Variants in KLHL42 observed in about 807,000 individuals in gnomAD.
The protein encoded by KLHL42 is kelch like family member 42, also known as kelch-like protein 42.
KLHL42 carries 27 observed loss-of-function variants against 32.7 expected under a neutral mutation model. The ratio of observed to expected loss-of-function variants is 0.83; its 90% confidence interval spans 0.61 to 1.14. KLHL42 has a LOEUF of 1.14. KLHL42 is among the 50% of genes most tolerant of loss of function. The pLI is 0.00. For missense variants in KLHL42, 491 were observed against 560.8 expected, an observed-to-expected ratio of 0.88 and a Z score of 1.26; for synonymous variants, 267 against 248.2, an observed-to-expected ratio of 1.08 and a Z score of -0.71.
rs2062141021 is a variant in KLHL42, at chr12:27,780,461, A to G, written c.131A>G (p.Gln44Arg). Residue 44 changes from glutamine (Q) to arginine (R), a missense_variant, in exon 1 of 3, where the codon CAG becomes CGG. Gln to Arg is a conservative substitution (Grantham distance 43). This residue lies in a region of KLHL42 where 88 missense variants were observed against 89.0 expected (regional missense o/e 0.99). Coordinates refer to ENST00000381271, the MANE Select transcript of KLHL42 (RefSeq NM_020782.2). The surrounding 1 kb of genome is among the most constrained non-coding windows in gnomAD (Gnocchi z 8.8). ...YRSGMREALS[Q>R]EAGGPEVQQL... ...TCCGGCATGCGCGAGGCCCTGAGCC[A>G]GGAGGCCGGCGGCCCGGAGGTGCAG... is the stretch of plus-strand genomic sequence containing the variant. The G allele has an allele frequency of 6.5e-7, 1 of 1,545,186 alleles. No homozygotes were observed.
rs770360019 is a variant in KLHL42 at position 27,780,792 on chromosome 12, C to A, written c.462C>A (p.Val154=). The change falls in exon 1 of 3, where the codon GTC becomes GTA. Residue 154 remains valine (V), a synonymous_variant. Transcript: ENST00000381271. This position sits in a 1 kb window ranked among gnomAD's most constrained non-coding sequence, Gnocchi z 8.8. The part of the protein sequence containing the change: ...DLQEACLRFM[V]VHFHEVLCKP... ...AGGAGGCCTGCCTGCGCTTCATGGT[C>A]GTCCACTTCCACGAGGTGCTGTGCA... The A allele has an allele frequency of 9.3e-6, 15 of 1,613,586 alleles. No individual in the cohort carries two copies. The highest frequency in any genetic ancestry group is 1.3e-5 in the Non-Finnish European group (15 of 1,180,012).
intron 2 of KLHL42, among the ~76,000 whole-genome samples, chr12:27,794,556 G>A (rs1482294003): frequency 6.6e-6 from 1 of 152,152 alleles, no homozygotes; most frequent in African/African-American, 2.4e-5. Context: ...TAGTGGCACA[G>A]TCATAGCTCA....
intron 1 of KLHL42, among the ~76,000 whole-genome samples, chr12:27,783,146 C>T (rs945031662): frequency 3.3e-5 from 5 of 152,086 alleles, no homozygotes; most frequent in South Asian, 2.1e-4. Context: ...GTAGTATATA[C>T]TTTATTCTAA....
chr12:27,791,590 C>T, intron 1 of KLHL42, 118 bp from the exon 2 acceptor site: 1 of 884,246 alleles, frequency 1.1e-6, no homozygotes. Flanking sequence ...GGAATGGCCC[C>T]CAACTGGGAG....
intron 1 of KLHL42, among the ~76,000 whole-genome samples, chr12:27,781,721 G>T (rs900987060): frequency 6.6e-6 from 1 of 152,080 alleles, no homozygotes; most frequent in African/African-American, 2.4e-5. Flanking sequence ...TTGCAATAGG[G>T]GTTGCTTTTC....
chr12:27,800,708 CAAA>C lies in KLHL42; in HGVS notation c.*2553_*2555del, dbSNP rs771905232. Reference sequence around the variant, plus strand: ...GGGCGACAGTGCAAGACTCTGTCTCCAAAAAAAAAAAAAGAAAAAAGAAAATCC... The same window carrying C: ...GGGCGACAGTGCAAGACTCTGTCTCCAAAAAAAAAAGAAAAAAGAAAATCC... On this transcript the variant is annotated 3_prime_UTR_variant, in exon 3 of 3. Transcript: ENST00000381271. 6.6e-5 allele frequency: 9 copies of C among 137,006 alleles called. No homozygotes were observed. The highest frequency in any genetic ancestry group is 7.9e-5 in the Non-Finnish European group (5 of 63,080). The allele number at this position is 137,006 out of a possible 1,614,324, so 8.5% of individuals were successfully genotyped here. A position where few individuals can be genotyped will look rare whatever the true frequency, so the allele number is the denominator to read the frequency against.
At chr12:27,789,310 T>A (rs563046629) in intron 1 of KLHL42, among the ~76,000 whole-genome samples, 151 of 152,326 alleles carry the variant, frequency 9.9e-4, no homozygotes, top group African/African-American at 3.4e-3. Flanking sequence ...AGACAGCAAT[T>A]GATGTGTGAT....
chr12:27,781,951 A>T (rs1356102901), intron 1 of KLHL42, among the ~76,000 whole-genome samples: 1 of 152,204 alleles, frequency 6.6e-6, no homozygotes, highest in African/African-American at 2.4e-5. Context: ...AGGGAAAGGA[A>T]CCAGGGAAGG....
intron 1 of KLHL42, among the ~76,000 whole-genome samples, chr12:27,783,439 C>T (rs563898926): frequency 3.3e-5 from 5 of 151,918 alleles, no homozygotes; most frequent in Non-Finnish European, 5.9e-5. Flanking sequence ...TTAATGTGCA[C>T]GGGGGTGTAT....
rs757102815 is a variant in KLHL42 at position 27,781,142 on chromosome 12, C to T, written c.812C>T (p.Ala271Val). Residue 271 changes from alanine (A) to valine (V), a missense_variant, in exon 1 of 3, where the codon GCG becomes GTG. By Grantham distance (64) the Ala-to-Val change is moderately conservative. Transcript: ENST00000381271. ...YRITSQEISA[A>V]HSYNPSTNEW... The stretch of plus-strand genomic sequence containing the variant: ...ATCACTAGCCAGGAGATCTCCGCTG[C>T]GCATTCCTACAACCCCAGCACCAAC... The T allele has an allele frequency of 8.1e-6, 13 of 1,613,962 alleles. No homozygotes were observed. The highest frequency in any genetic ancestry group is 8.5e-6 in the Non-Finnish European group (10 of 1,180,046).
In KLHL42 at chr12:27,780,335, C is replaced by T; in HGVS notation, c.5C>T (p.Ser2Leu). Residue 2 changes from serine (S) to leucine (L), a missense_variant, in exon 1 of 3, where the codon TCG becomes TTG. This residue lies in a region of KLHL42 where 88 missense variants were observed against 89.0 expected (regional missense o/e 0.99). Coordinates refer to ENST00000381271, the MANE Select transcript of KLHL42 (RefSeq NM_020782.2). This position sits in a 1 kb window ranked among gnomAD's most constrained non-coding sequence, Gnocchi z 8.8. Reference protein sequence around the residue: MSAEEMVQIRLE... With the variant: MLAEEMVQIRLE... The stretch of plus-strand genomic sequence containing the variant: ...GCCGCCCCGGGGCCCCCAGCCATGT[C>T]GGCCGAGGAGATGGTGCAGATCCGC... 1.3e-6 allele frequency: 2 copies of T among 1,565,884 alleles called. No homozygotes were observed.
chr12:27,798,136 T>G lies in KLHL42; in HGVS notation c.1488T>G (p.Ser496=), dbSNP rs1228969830. 1 of 780,418 alleles carries G rather than the reference T, an allele frequency of 1.3e-6. No homozygotes were observed. The allele number at this position is 780,418 out of a possible 1,614,324, so 48.3% of individuals were successfully genotyped here. Reference sequence around the variant, plus strand: ...TTGGACATAACTTGCTGGTTTCTTCTCTTTATCTGCCCAATAAAGCAGAAA... The same window carrying G: ...TTGGACATAACTTGCTGGTTTCTTCGCTTTATCTGCCCAATAAAGCAGAAA... ...PAFGHNLLVS[S]LYLPNKAET Residue 496 remains serine, a synonymous_variant, in exon 3 of 3, where the codon TCT becomes TCG. Coordinates refer to ENST00000381271, the MANE Select transcript of KLHL42 (RefSeq NM_020782.2).
intron 1 of KLHL42, among the ~76,000 whole-genome samples, chr12:27,785,233 T>A (rs1458357379): frequency 6.6e-6 from 1 of 152,166 alleles, no homozygotes; most frequent in Non-Finnish European, 1.5e-5. Context: ...GGGGTCTTGC[T>A]TTGTCACCCA....
At chr12:27,796,343 C>T (rs1414347440) in intron 2 of KLHL42, among the ~76,000 whole-genome samples, 4 of 151,924 alleles carry the variant, frequency 2.6e-5, no homozygotes, top group African/African-American at 7.3e-5. Flanking sequence ...TCTTCTCTTA[C>T]CAAGCGCCTG....
In KLHL42 at chr12:27,798,863, G is replaced by C. The variant is rs1033257735; in HGVS notation, c.*697G>C. The stretch of plus-strand genomic sequence containing the variant: ...TGATAAAACCTCTTATTTTATTTAT[G>C]TGGCAGGTTGCATATTTATGTGGAC... On this transcript the variant is annotated 3_prime_UTR_variant, in exon 3 of 3. Coordinates refer to ENST00000381271, the MANE Select transcript of KLHL42 (RefSeq NM_020782.2). 3 of 152,268 alleles carry C rather than the reference G, an allele frequency of 2.0e-5. No individual in the cohort carries two copies. Among genetic ancestry groups the C allele is most frequent in the Admixed American group, 1.3e-4 (2 of 15,222 alleles). 9.4% of individuals were successfully genotyped at this position (152,268 alleles called of 1,614,324 possible). A position where few individuals can be genotyped will look rare whatever the true frequency, so the allele number is the denominator to read the frequency against.
At chr12:27,784,000 C>T (rs1028647699) in intron 1 of KLHL42, among the ~76,000 whole-genome samples, 3 of 152,072 alleles carry the variant, frequency 2.0e-5, no homozygotes, top group Admixed American at 2.0e-4. Flanking sequence ...TTGGATGTTT[C>T]AATAAGCACT....
rs1299603398 is a variant in KLHL42 at position 27,780,892 on chromosome 12, G to T, written c.562G>T (p.Ala188Ser). The T allele has an allele frequency of 1.9e-6, 3 of 1,611,458 alleles. No homozygotes were observed. The highest frequency in any genetic ancestry group is 1.3e-5 in the African/African-American group (1 of 74,884). Residue 188 changes from alanine (A) to serine (S), a missense_variant, in exon 1 of 3, where the codon GCC (alanine) becomes TCC (serine). Around this residue, in one of 4 missense-constraint regions of KLHL42, gnomAD observed 248 missense variants for 329.2 expected, o/e 0.75. Transcript: ENST00000381271. This position sits in a 1 kb window ranked among gnomAD's most constrained non-coding sequence, Gnocchi z 8.8. ...DVSLKQRLRE[A>S]RMTGTPVLVA... ...CAGCCTGAAGCAGAGGCTGAGGGAG[G>T]CCCGGATGACTGGGACTCCTGTCCT...
At position 27,800,200 on chromosome 12, in the gene KLHL42, A is replaced by G; in HGVS notation, c.*2034A>G. On this transcript the variant is annotated 3_prime_UTR_variant, in exon 3 of 3. Coordinates refer to ENST00000381271, the MANE Select transcript of KLHL42 (RefSeq NM_020782.2). The stretch of plus-strand genomic sequence containing the variant: ...ATAAGCATATCATATCAAATACAAT[A>G]TTCCAGCCAACCAGTTAATTCTCTT... The G allele has an allele frequency of 1.0e-6, 1 of 985,426 alleles. No individual in the cohort carries two copies. The highest frequency in any genetic ancestry group is 1.2e-6 in the Non-Finnish European group (1 of 829,924). 61.0% of individuals were successfully genotyped at this position (985,426 alleles called of 1,614,324 possible).
At position 27,798,749 on chromosome 12, in the gene KLHL42, A is replaced by G. The variant is rs1048290078; in HGVS notation, c.*583A>G. The G allele has an allele frequency of 1.3e-5, 2 of 152,030 alleles. No homozygotes were observed. The highest frequency in any genetic ancestry group is 4.8e-5 in the African/African-American group (2 of 41,286). The allele number at this position is 152,030 out of a possible 1,614,324, so 9.4% of individuals were successfully genotyped here. A position where few individuals can be genotyped will look rare whatever the true frequency, so the allele number is the denominator to read the frequency against. ...TGGAGCCCTACAGTGAATCCTTACC[A>G]GTGTTCAGTCCTCCCCAAAACTTGC... is the stretch of plus-strand genomic sequence containing the variant. On this transcript the variant is annotated 3_prime_UTR_variant, in exon 3 of 3. Coordinates refer to ENST00000381271, the MANE Select transcript of KLHL42 (RefSeq NM_020782.2).
Sources: allele counts gnomAD v4.1 joint callset (sites outside exome capture counted in the v4.1 genomes callset), GRCh38; gene constraint gnomAD v4.1.1; regional missense constraint gnomAD v4.1.1; non-coding constraint Gnocchi (gnomAD v3.1); transcripts MANE v1.5; gene names NCBI Gene and HGNC (gene_info 2026-07-23, HGNC 2026-07-21).